RNF14: variants seen among roughly 807,000 people sequenced by gnomAD.
RNF14 encodes E3 ubiquitin-protein ligase RNF14.
In RNF14, 26 loss-of-function variants were observed where a neutral mutation model predicts 52.6. The ratio of observed to expected loss-of-function variants is 0.49; its 90% CI spans 0.36 to 0.69. The LOEUF (loss-of-function observed/expected upper bound fraction) is 0.69. Ranked by LOEUF, RNF14 falls within the 30% of genes least tolerant of loss-of-function variation. The probability of loss-of-function intolerance (pLI) is 0.00; values close to 1 mark genes in which losing one functional copy is unlikely to be tolerated. For synonymous variants in RNF14, 194 were observed against 202.0 expected (o/e 0.96, Z 0.34); for missense variants, 404 against 560.4 (o/e 0.72, Z 2.82).
the RNF14 span, chr5:141,949,708 G>T: frequency 9.0e-7 from 1 of 1,105,522 alleles, no homozygotes. Flanking sequence ...GGCCTCTAGA[G>T]TCAGACCAAC....
At chr5:141,954,908 T>C (rs546412869), upstream of RNF14, 1 of 1,538,356 alleles carries the variant, frequency 6.5e-7, no homozygotes. Flanking sequence ...GTTATGGGGG[T>C]GTCTGATTCT....
At chr5:141,954,854 A>G, upstream of RNF14, 1 of 1,332,076 alleles carries the variant, frequency 7.5e-7, no homozygotes, top group Non-Finnish European at 1.0e-6. Context: ...AAAGCATCAG[A>G]AAGTGCCAGG....
rs1447403464 is a variant in RNF14 at position 141,988,953 on chromosome 5, C to G, written c.*1163C>G. On this transcript the variant is annotated 3_prime_UTR_variant, in exon 9 of 9. Transcript: ENST00000394520. ...TTTTTGAAAAATTGTCTTTCCTTAT[C>G]ATTGGTGGGAGGCTTGGTAGCAAAG... 6.6e-6 allele frequency: 1 copy of G among 152,152 alleles called. No homozygotes were observed. The highest frequency in any genetic ancestry group is 2.4e-5 in the African/African-American group (1 of 41,380). The allele number at this position is 152,152 out of a possible 1,614,324, so 9.4% of individuals were successfully genotyped here.
chr5:141,971,058 A>G (rs1753701176), intron 2 of RNF14, among the ~76,000 whole-genome samples, 181 bp downstream of exon 2: 1 of 152,240 alleles, frequency 6.6e-6, no homozygotes, highest in Non-Finnish European at 1.5e-5. Flanking sequence ...TGTACATTTT[A>G]ATTAAAAATA....
chr5:141,965,414 G>A (rs932991814), upstream of RNF14, among the ~76,000 whole-genome samples: 3 of 152,160 alleles, frequency 2.0e-5, no homozygotes, highest in South Asian at 4.1e-4. Context: ...GTCATCATCC[G>A]GTGTCCCTGG....
At position 141,973,723 on chromosome 5, in the gene RNF14, T is replaced by A. The variant is rs1342748400; in HGVS notation, c.135T>A (p.Asn45Lys). ...GGATCTATTTGGATTTGCCACAGAA[T>A]TTCAAGATATTTGTGAGCGGTTAGT... ...ETRIYLDLPQ[N>K]FKIFVSGNSN... The change falls in exon 3 of 9, where the codon AAT becomes AAA. Residue 45 changes from asparagine to lysine, a missense_variant. Physicochemically the swap from Asn to Lys is moderately conservative, Grantham distance 94 (BLOSUM62 0). Transcript: ENST00000394520. The A allele has an allele frequency of 4.4e-6, 7 of 1,607,290 alleles. No homozygotes were observed. Among genetic ancestry groups the A allele is most frequent in the Non-Finnish European group, 5.9e-6 (7 of 1,178,160 alleles).
chr5:141,951,651 G>T, the RNF14 span: 2 of 1,230,520 alleles, frequency 1.6e-6, no homozygotes, highest in Non-Finnish European at 1.2e-6. Flanking sequence ...CTTCCTCGCC[G>T]GATGTTTCCC....
At position 141,973,563 on chromosome 5, in the gene RNF14, A is replaced by C. The variant is rs919068346; in HGVS notation, c.-6-20A>C. 5.6e-6 allele frequency: 9 copies of C among 1,599,084 alleles called. No homozygotes were observed. Among genetic ancestry groups the C allele is most frequent in the Non-Finnish European group, 7.7e-6 (9 of 1,174,054 alleles). On this transcript the variant is annotated intron_variant, in intron 2 of 8. Transcript: ENST00000394520. ...AGCCTCTGTGCATTTTCTGTTCTTA[A>C]CTGATTTTAATGTTTTCAGGTCCTT...
intron 4 of RNF14, among the ~76,000 whole-genome samples, chr5:141,975,924 CAAAA>C (rs5871799): frequency 1.1e-4 from 15 of 131,112 alleles, no homozygotes; most frequent in Middle Eastern, 3.8e-3. Flanking sequence ...GACCCTGTCT[CAAAA>C]AAAAAAAAAA....
intron 6 of RNF14, among the ~76,000 whole-genome samples, chr5:141,983,120 G>A (rs548684908): frequency 6.6e-6 from 1 of 152,100 alleles, no homozygotes; most frequent in East Asian, 1.9e-4. Context: ...TTTTAATTGG[G>A]TTGTAGCGAA....
upstream of RNF14, chr5:141,957,947 T>A (rs1753215879): frequency 1.4e-6 from 2 of 1,418,506 alleles, no homozygotes; most frequent in Non-Finnish European, 1.9e-6. This position sits in a 1 kb window ranked among gnomAD's most constrained non-coding sequence, Gnocchi z 4.3. Context: ...ATCAGCCCCG[T>A]GCTCCTTCCC....
chr5:141,956,383 C>T (rs778152852), upstream of RNF14: 2 of 1,614,206 alleles, frequency 1.2e-6, no homozygotes, highest in East Asian at 2.2e-5. Context: ...TCCATTAATG[C>T]CCAAGTCTGC....
rs1325678119 is a variant in RNF14 at position 141,987,809 on chromosome 5, A to G, written c.*19A>G. The G allele has an allele frequency of 5.6e-6, 9 of 1,609,488 alleles. No homozygotes were observed. The highest frequency in any genetic ancestry group is 7.6e-6 in the Non-Finnish European group (9 of 1,177,044). ...AGACTAGTTAACTACTGCTCAAGATATGGAAGTGGATTGTTTTTCCCTAAT... is the reference window on the plus strand; with the variant it reads ...AGACTAGTTAACTACTGCTCAAGATGTGGAAGTGGATTGTTTTTCCCTAAT... On this transcript the variant is annotated 3_prime_UTR_variant, in exon 9 of 9. Transcript: ENST00000394520.
At chr5:141,969,936 A>G (rs186395567) in intron 1 of RNF14, among the ~76,000 whole-genome samples, 79 of 152,350 alleles carry the variant, frequency 5.2e-4, no homozygotes, top group Non-Finnish European at 5.6e-4. Flanking sequence ...GCTTAATTCA[A>G]TTAGCACCAT....
chr5:141,971,324 C>T (rs1230733216), intron 2 of RNF14, among the ~76,000 whole-genome samples: 3 of 152,170 alleles, frequency 2.0e-5, no homozygotes, highest in African/African-American at 7.2e-5. Flanking sequence ...TCACTGCAGC[C>T]TCAGCATCCA....
At chr5:141,977,779 G>A (rs1754395564) in intron 4 of RNF14, among the ~76,000 whole-genome samples, 1 of 152,182 alleles carries the variant, frequency 6.6e-6, no homozygotes, top group South Asian at 2.1e-4. Context: ...GTTAGTGATT[G>A]TTTCAGATGA....
At chr5:141,965,103 G>A (rs1753312704), upstream of RNF14, among the ~76,000 whole-genome samples, 1 of 152,184 alleles carries the variant, frequency 6.6e-6, no homozygotes, top group Admixed American at 6.5e-5. Context: ...AAGTTGGGCA[G>A]GGTTTTCCTC....
At chr5:141,949,584 C>G in the RNF14 span, 1 of 1,612,784 alleles carries the variant, frequency 6.2e-7, no homozygotes, top group Non-Finnish European at 8.5e-7. Context: ...GATTGCACTC[C>G]TGCAAAAGAA....
At chr5:141,956,688 C>G (rs561107733), upstream of RNF14, 6 of 1,614,228 alleles carry the variant, frequency 3.7e-6, no homozygotes, top group East Asian at 2.2e-5. Context: ...AGCAGTGGAC[C>G]AAACCATTGT....
Sources: gnomAD v4.1 joint callset for allele counts (sites outside exome capture counted in the v4.1 genomes callset) on GRCh38, gnomAD v4.1.1 for gene constraint, Gnocchi (gnomAD v3.1) non-coding constraint, MANE v1.5 for transcripts, NCBI Gene and HGNC (gene_info 2026-07-23, HGNC 2026-07-21) for gene names.